Variants in DOCK5 observed in about 807,000 individuals in gnomAD.
DOCK5 encodes dedicator of cytokinesis protein 5.
DOCK5 carries 142 observed loss-of-function variants against 251.8 expected under a neutral mutation model. The observed-to-expected ratio is 0.56, with a 90% CI of 0.49 to 0.65. The LOEUF (loss-of-function observed/expected upper bound fraction) is 0.65, where lower values mean the gene tolerates loss of function less well. DOCK5 is among the 30% of genes least tolerant of loss of function. The pLI, the probability that DOCK5 is intolerant of heterozygous loss-of-function variation, is 0.00. For synonymous variants in DOCK5, 842 were observed against 835.5 expected, an observed-to-expected ratio of 1.01 and a Z score of -0.13; for missense variants, 2,111 against 2,312.3, an observed-to-expected ratio of 0.91 and a Z score of 1.79.
rs1231565275 is a variant in DOCK5, at chr8:25,302,527, A to G, written c.976+73A>G. 4 of 1,417,322 alleles carry G rather than the reference A, an allele frequency of 2.8e-6. No individual in the cohort carries two copies. In the African/African-American group the frequency reaches 5.8e-5, roughly 21 times the overall value. 87.8% of individuals were successfully genotyped at this position (1,417,322 alleles called of 1,614,324 possible). ...AAAATAGCATGGCGATTTCTCAAAA[A>G]ATTAAACATGGAACTAGCAAATGAT... On this transcript the variant is annotated intron_variant, in intron 10 of 51. Coordinates refer to ENST00000276440, the MANE Select transcript of DOCK5 (RefSeq NM_024940.8).
intron 31 of DOCK5, 131 bp from the exon 32 acceptor site, chr8:25,368,061 C>A (rs1038559013): frequency 7.3e-6 from 5 of 684,166 alleles, no homozygotes; most frequent in East Asian, 5.7e-5. Flanking sequence ...TAGGTATGAA[C>A]CTCATCTCTT....
intron 7 of DOCK5, among the ~76,000 whole-genome samples, chr8:25,298,402 C>T (rs755886709): frequency 1.3e-5 from 2 of 152,108 alleles, no homozygotes; most frequent in African/African-American, 4.8e-5. Flanking sequence ...TTGGAGCTAC[C>T]AAAACCCTGG....
chr8:25,281,841 T>C (rs1333925152), intron 5 of DOCK5, among the ~76,000 whole-genome samples: 6 of 143,928 alleles, frequency 4.2e-5, no homozygotes, highest in Non-Finnish European at 6.0e-5. Flanking sequence ...ATTGTGCCAT[T>C]GCACTCCAGA....
intron 1 of DOCK5, among the ~76,000 whole-genome samples, chr8:25,194,804 A>G (rs1461788268): frequency 1.3e-5 from 2 of 152,042 alleles, no homozygotes; most frequent in African/African-American, 4.8e-5. Context: ...CCCACATTCT[A>G]TCTGTCATCA....
At chr8:25,334,306 G>GGCGTAT in intron 21 of DOCK5, 110 bp downstream of exon 21, 2 of 852,006 alleles carry the variant, frequency 2.3e-6, no homozygotes, top group Non-Finnish European at 3.9e-6. Context: ...AAATACGCCT[G>GGCGTAT]TTAAGGCAGA....
chr8:25,336,239 G>A lies in DOCK5; in HGVS notation c.2193G>A (p.Val731=). ...AATTTTTCTTTCTCATTCTTCTAAG[G>A]AAACTCTCCAAGGTACTGAACTTCT... The part of the protein sequence containing the change: ...YKHFSATLAY[V]KLSKVLNFYV... The change falls in exon 22 of 52, where the codon GTG becomes GTA. Residue 731 remains valine (V), a splice_region_variant and synonymous_variant. Coordinates refer to ENST00000276440, the MANE Select transcript of DOCK5 (RefSeq NM_024940.8). 1 of 1,608,048 alleles carries A rather than the reference G, an allele frequency of 6.2e-7. No individual in the cohort carries two copies. Among genetic ancestry groups the A allele is most frequent in the Non-Finnish European group, 8.5e-7 (1 of 1,175,032 alleles).
intron 37 of DOCK5, 85 bp downstream of exon 37, chr8:25,374,739 G>A (rs751009664): frequency 6.2e-7 from 1 of 1,609,812 alleles, no homozygotes; most frequent in African/African-American, 1.3e-5. Context: ...GATTTTGATG[G>A]GAAAGAACTT....
At chr8:25,342,688 C>CTT (rs1805984192) in intron 25 of DOCK5, among the ~76,000 whole-genome samples, 181 bp downstream of exon 25, 12 of 114,248 alleles carry the variant, frequency 1.1e-4, no homozygotes, top group Admixed American at 1.8e-4. Flanking sequence ...TTTGTTTTTT[C>CTT]TTGTTTTTTT....
rs764107991 is a variant in DOCK5, at chr8:25,291,975, T to A, written c.322-49T>A. 3 of 1,489,064 alleles carry A rather than the reference T, an allele frequency of 2.0e-6. No homozygotes were observed. The Admixed American group carries it at 7.2e-5, about 36-fold the overall frequency. The allele number at this position is 1,489,064 out of a possible 1,614,324, so 92.2% of individuals were successfully genotyped here. On this transcript the variant is annotated intron_variant, in intron 5 of 51. Coordinates refer to ENST00000276440, the MANE Select transcript of DOCK5 (RefSeq NM_024940.8). ...AAAAAAAGGATGTTCCCATCCTCTG[T>A]CACACCTTTTTCTAAGAATCTTTTC... is the stretch of plus-strand genomic sequence containing the variant.
chr8:25,186,273 G>A (rs145361786), intron 1 of DOCK5, among the ~76,000 whole-genome samples: 2,345 of 149,484 alleles, frequency 0.016, 74 homozygotes, highest in African/African-American at 0.053. Flanking sequence ...TTGCTCTTAA[G>A]TTGCTTTTAG....
chr8:25,255,306 A>G (rs780698574), intron 2 of DOCK5, among the ~76,000 whole-genome samples: 38 of 152,200 alleles, frequency 2.5e-4, no homozygotes, highest in Non-Finnish European at 4.9e-4. Context: ...AGTAAACAAG[A>G]TGTTCTTCAG....
chr8:25,334,264 T>G, intron 21 of DOCK5, 68 bp downstream of exon 21: 1 of 1,314,096 alleles, frequency 7.6e-7, no homozygotes, highest in Non-Finnish European at 1.1e-6. Context: ...ACTGGATTGT[T>G]GAGAAACGAG....
chr8:25,369,760 C>G lies in DOCK5; in HGVS notation c.3524+119C>G, dbSNP rs982398794. 4.0e-6 allele frequency: 3 copies of G among 754,872 alleles called. No homozygotes were observed. In the African/African-American group the frequency reaches 5.3e-5, roughly 13 times the overall value. 46.8% of individuals were successfully genotyped at this position (754,872 alleles called of 1,614,324 possible). A position where few individuals can be genotyped will look rare whatever the true frequency, so the allele number is the denominator to read the frequency against. On this transcript the variant is annotated intron_variant, in intron 34 of 51. Coordinates refer to ENST00000276440, the MANE Select transcript of DOCK5 (RefSeq NM_024940.8). Reference sequence around the variant, plus strand: ...GTCTCAGAGTCACTAGGGCCACCCCCACTGTGGTCTTCAGTATGGTTATGG... The same window carrying G: ...GTCTCAGAGTCACTAGGGCCACCCCGACTGTGGTCTTCAGTATGGTTATGG...
At chr8:25,320,651 A>T (rs1320055738) in intron 15 of DOCK5, among the ~76,000 whole-genome samples, 2 of 152,174 alleles carry the variant, frequency 1.3e-5, no homozygotes, top group Admixed American at 1.3e-4. Context: ...AATTATTACT[A>T]TATTTATACA....
intron 1 of DOCK5, among the ~76,000 whole-genome samples, chr8:25,202,017 TA>T (rs1200321930): frequency 6.6e-6 from 1 of 152,102 alleles, no homozygotes; most frequent in Non-Finnish European, 1.5e-5. Flanking sequence ...TATATATATA[TA>T]TTTTTTTCTT....
At chr8:25,365,947 A>G (rs538660560) in intron 30 of DOCK5, among the ~76,000 whole-genome samples, 1 of 152,330 alleles carries the variant, frequency 6.6e-6, no homozygotes, top group South Asian at 2.1e-4. Flanking sequence ...ATGTGTATGT[A>G]TATTTGCCAA....
intron 1 of DOCK5, among the ~76,000 whole-genome samples, chr8:25,240,830 G>A (rs1802920289): frequency 6.6e-6 from 1 of 152,166 alleles, no homozygotes; most frequent in Non-Finnish European, 1.5e-5. Context: ...TTCTCTCACA[G>A]TTCTGGAGAT....
At chr8:25,261,055 G>A (rs56780412) in intron 2 of DOCK5, among the ~76,000 whole-genome samples, 5,131 of 152,044 alleles carry the variant, frequency 0.034, 264 homozygotes, top group African/African-American at 0.11. Flanking sequence ...CTGGAATTAT[G>A]GATGTGAGCC....
rs779917876 is a variant in DOCK5 at position 25,368,595 on chromosome 8, C to T, written c.3308C>T (p.Pro1103Leu). The change falls in exon 33 of 52, where the codon CCA (proline) becomes CTA (leucine). Residue 1103 changes from proline to leucine, a missense_variant. By Grantham distance (98) the Pro-to-Leu change is moderately conservative (BLOSUM62 -3). Around this residue, in one of 3 missense-constraint regions of DOCK5, gnomAD observed 1,717 missense variants for 1,892.4 expected, o/e 0.91. Transcript: ENST00000276440. ...NLGPHKIKFI[P>L]SMVGPILEVT... ...GGTCCCCACAAAATCAAATTCATCC[C>T]ATCCATGGTGGGTCCCATTCTGGAG... 1 of 1,607,100 alleles carries T rather than the reference C, an allele frequency of 6.2e-7. No homozygotes were observed. The highest frequency in any genetic ancestry group is 1.1e-5 in the South Asian group (1 of 88,888).
Sources: allele counts gnomAD v4.1 joint callset (sites outside exome capture counted in the v4.1 genomes callset), GRCh38; gene constraint gnomAD v4.1.1; regional missense constraint gnomAD v4.1.1; transcripts MANE v1.5; gene names NCBI Gene and HGNC (gene_info 2026-07-23, HGNC 2026-07-21).